BTBD9: variants seen among roughly 807,000 people sequenced by gnomAD.
The protein encoded by BTBD9 is BTB domain containing 9, also known as BTB/POZ domain-containing protein 9.
A neutral mutation model predicts 64.3 loss-of-function variants in BTBD9; 49 were observed. The observed-to-expected ratio is 0.76, with a 90% confidence interval of 0.61 to 0.97. The LOEUF is 0.97. Ranked by LOEUF, BTBD9 falls within the 50% of genes least tolerant of loss-of-function variation. The probability of loss-of-function intolerance (pLI) is 0.00; values close to 1 mark genes in which losing one functional copy is unlikely to be tolerated. For missense variants in BTBD9, 598 were observed against 762.1 expected, an observed-to-expected ratio of 0.78 and a Z score of 2.53; for synonymous variants, 260 against 274.7, an observed-to-expected ratio of 0.95 and a Z score of 0.53.
At chr6:38,280,816 C>T (rs1374271526) in intron 8 of BTBD9, among the ~76,000 whole-genome samples, 1 of 152,218 alleles carries the variant, frequency 6.6e-6, no homozygotes, top group Non-Finnish European at 1.5e-5. Flanking sequence ...ATAAGACACA[C>T]TGAGCAAATA....
chr6:38,291,035 GTCT>G, intron 7 of BTBD9, among the ~76,000 whole-genome samples: 1 of 152,290 alleles, frequency 6.6e-6, no homozygotes, highest in East Asian at 1.9e-4. Flanking sequence ...AAACAAAGAT[GTCT>G]TCTTGTATTC....
At chr6:38,228,294 C>A in intron 9 of BTBD9, among the ~76,000 whole-genome samples, 1 of 133,704 alleles carries the variant, frequency 7.5e-6, no homozygotes, top group Non-Finnish European at 1.5e-5. Context: ...CTACAGTGGG[C>A]TATGATAACA....
intron 6 of BTBD9, among the ~76,000 whole-genome samples, chr6:38,408,242 CA>C (rs1289130957): frequency 1.3e-5 from 2 of 152,098 alleles, no homozygotes; most frequent in African/African-American, 4.8e-5. Flanking sequence ...CCTGCAGTCC[CA>C]GTTTCTTGGG....
chr6:38,552,901 A>G (rs1774875068), intron 6 of BTBD9, among the ~76,000 whole-genome samples: 4 of 152,086 alleles, frequency 2.6e-5, no homozygotes, highest in African/African-American at 9.7e-5. Flanking sequence ...GGACCCCCAA[A>G]CCCCCACCAA....
intron 6 of BTBD9, among the ~76,000 whole-genome samples, chr6:38,485,943 A>G (rs1771378509): frequency 6.6e-6 from 1 of 152,288 alleles, no homozygotes; most frequent in South Asian, 2.1e-4. Context: ...TAGTGTAGCC[A>G]CCTTCGTCAA....
At position 38,175,101 on chromosome 6, in the gene BTBD9, C is replaced by T; in HGVS notation, c.1723G>A (p.Asp575Asn). The change falls in exon 11 of 11, where the codon GAC becomes AAC. Residue 575 changes from aspartate (D) to asparagine (N), a missense_variant. By Grantham distance (23) the Asp-to-Asn change is conservative. Transcript: ENST00000481247. Reference sequence around the variant, plus strand: ...AGCTGCTGACCGGCCAGGCTGGTGTCCCCTGTCCCCGATTCCTCACTATTT... The same window carrying T: ...AGCTGCTGACCGGCCAGGCTGGTGTTCCCTGTCCCCGATTCCTCACTATTT... The part of the protein sequence containing the change: ...EENSEESGTG[D>N]TSLAGQQLDS... 1 of 1,614,216 alleles carries T rather than the reference C, an allele frequency of 6.2e-7. No homozygotes were observed.
intron 6 of BTBD9, among the ~76,000 whole-genome samples, chr6:38,385,188 A>C (rs2127617880): frequency 6.8e-6 from 1 of 147,344 alleles, no homozygotes; most frequent in African/African-American, 2.5e-5. Flanking sequence ...TGAAAATCTT[A>C]CGTACTTTTT....
intron 6 of BTBD9, among the ~76,000 whole-genome samples, chr6:38,443,634 GTCTC>G (rs948821855): frequency 1.4e-4 from 21 of 151,958 alleles, no homozygotes; most frequent in African/African-American, 3.1e-4. Flanking sequence ...CACTCTCTTT[GTCTC>G]TCTCTCTCTT....
chr6:38,484,755 C>G (rs1402127462), intron 6 of BTBD9, among the ~76,000 whole-genome samples: 3 of 152,190 alleles, frequency 2.0e-5, no homozygotes, highest in Non-Finnish European at 2.9e-5. Flanking sequence ...TTAATTAAAA[C>G]ATACTTTATT....
In BTBD9 at chr6:38,480,842, TTG is replaced by T. The variant is rs1491076702; in HGVS notation, c.1154+96756_1154+96757del. On this transcript the variant is annotated intron_variant, in intron 6 of 10. Coordinates refer to ENST00000481247, the MANE Select transcript of BTBD9 (RefSeq NM_001099272.2). ...GGCGCTTCCCAAACAGACTGTAGTG[TTG>T]GTAGACAGCATATAGCCATCACACA... Among the ~76,000 whole-genome samples the T allele has an allele frequency of 6.9e-3, 1,057 of 152,276 alleles. 6 individuals are homozygous for T. The highest frequency in any genetic ancestry group is 0.024 in the African/African-American group (999 of 41,534).
intron 10 of BTBD9, among the ~76,000 whole-genome samples, chr6:38,188,266 C>A (rs1024787252): frequency 1.3e-5 from 2 of 152,234 alleles, no homozygotes; most frequent in African/African-American, 2.4e-5. Flanking sequence ...GACTTCAGGT[C>A]TCTCTAAACA....
At chr6:38,309,502 T>C (rs892590178) in intron 7 of BTBD9, among the ~76,000 whole-genome samples, 1 of 151,218 alleles carries the variant, frequency 6.6e-6, no homozygotes, top group African/African-American at 2.4e-5. Flanking sequence ...AACCTCCAAC[T>C]CCCTGGTTCA....
intron 6 of BTBD9, among the ~76,000 whole-genome samples, chr6:38,505,964 C>CAACAAAAAAAAAAAA (rs1175511241): frequency 4.8e-5 from 4 of 82,628 alleles, no homozygotes; most frequent in African/African-American, 1.6e-4. Context: ...TCCGTCTCAA[C>CAACAAAAAAAAAAAA]AAAAAAAAAA....
rs145475391 is a variant in BTBD9, at chr6:38,395,094, C to T, written c.1155-50001G>A. 1.4e-4 allele frequency among the ~76,000 whole-genome samples: 21 copies of T among 152,144 alleles called. No homozygotes were observed. The East Asian group carries it at 4.1e-3, about 29-fold the overall frequency. ...GGGGGCTTTGGGGAGGTGATTAGGT[C>T]ATGAGTGAGGAGCCCTCATGAATGA... On this transcript the variant is annotated intron_variant, in intron 6 of 10. Coordinates refer to ENST00000481247, the MANE Select transcript of BTBD9 (RefSeq NM_001099272.2).
intron 6 of BTBD9, among the ~76,000 whole-genome samples, chr6:38,398,941 G>A (rs1766811132): frequency 6.6e-6 from 1 of 152,098 alleles, no homozygotes; most frequent in Non-Finnish European, 1.5e-5. Flanking sequence ...AAGATGAAAT[G>A]TTTCATAACA....
chr6:38,392,875 A>ATTTT (rs11403915), intron 6 of BTBD9, among the ~76,000 whole-genome samples: 2,937 of 137,258 alleles, frequency 0.021, 147 homozygotes, highest in African/African-American at 0.076. Context: ...TAAGACAATG[A>ATTTT]TTTTTTTTTT....
intron 8 of BTBD9, among the ~76,000 whole-genome samples, chr6:38,279,575 C>A (rs1761423497): frequency 6.6e-6 from 1 of 152,112 alleles, no homozygotes; most frequent in Non-Finnish European, 1.5e-5. Context: ...AAGTCCTATG[C>A]TTCTGTTAGC....
intron 6 of BTBD9, among the ~76,000 whole-genome samples, chr6:38,444,756 T>G (rs1172607224): frequency 6.6e-6 from 1 of 152,196 alleles, no homozygotes; most frequent in African/African-American, 2.4e-5. Context: ...GGTTTTATAT[T>G]AAGTGTATGC....
intron 1 of BTBD9, among the ~76,000 whole-genome samples, chr6:38,609,506 C>T (rs1451378511): frequency 6.6e-6 from 1 of 152,086 alleles, no homozygotes; most frequent in Non-Finnish European, 1.5e-5. Flanking sequence ...TGTGGCCTGC[C>T]TTTCACCTTC....
Sources: gnomAD v4.1 joint callset for allele counts (sites outside exome capture counted in the v4.1 genomes callset) on GRCh38, gnomAD v4.1.1 for gene constraint, MANE v1.5 for transcripts, NCBI Gene and HGNC (gene_info 2026-07-23, HGNC 2026-07-21) for gene names.